The following NNMT variants were observed in gnomAD, a reference collection of about 807,000 sequenced individuals.
NNMT encodes the protein nicotinamide N-methyltransferase.
Under a neutral mutation model 11.7 loss-of-function variants are expected in NNMT, and 10 were observed. The ratio of observed to expected loss-of-function variants is 0.85; its 90% CI spans 0.53 to 1.45. The LOEUF (loss-of-function observed/expected upper bound fraction) is 1.45. Ranked by LOEUF, NNMT falls within the 40% of genes most tolerant of loss-of-function variation. The probability of loss-of-function intolerance (pLI) is 0.00; values close to 1 mark genes in which losing one functional copy is unlikely to be tolerated. For synonymous variants in NNMT, 143 were observed against 133.8 expected, an observed-to-expected ratio of 1.07 and a Z score of -0.48; for missense variants, 381 against 319.4, an observed-to-expected ratio of 1.19 and a Z score of -1.47.
chr11:114,288,920 T>G (rs1320138766), intron 2 of NNMT, among the ~76,000 whole-genome samples: 2 of 152,222 alleles, frequency 1.3e-5, no homozygotes, highest in Non-Finnish European at 2.9e-5. Flanking sequence ...ACCTTGATAT[T>G]AGGCTTTAGC....
upstream of NNMT, among the ~76,000 whole-genome samples, chr11:114,292,405 G>T (rs889691375): frequency 2.0e-5 from 3 of 152,106 alleles, no homozygotes; most frequent in South Asian, 6.2e-4. Context: ...CAATGGATTT[G>T]GTGTAGCACC....
intron 2 of NNMT, among the ~76,000 whole-genome samples, chr11:114,268,629 C>T (rs867892447): frequency 3.3e-5 from 5 of 152,198 alleles, no homozygotes; most frequent in African/African-American, 7.2e-5. Context: ...ATTAGCTGGG[C>T]GTGGTGGCAC....
chr11:114,259,721 G>A (rs1400677426), intron 1 of NNMT, among the ~76,000 whole-genome samples: 1 of 152,126 alleles, frequency 6.6e-6, no homozygotes, highest in Non-Finnish European at 1.5e-5. Context: ...ATTTAAACCT[G>A]ACTCTGCCGC....
At chr11:114,308,961 C>G (rs1438843042) in intron 2 of NNMT, among the ~76,000 whole-genome samples, 5 of 152,198 alleles carry the variant, frequency 3.3e-5, no homozygotes, top group African/African-American at 1.2e-4. Flanking sequence ...TTTGCATCAT[C>G]ATCTGACTGG....
At chr11:114,302,398 G>A in intron 2 of NNMT, among the ~76,000 whole-genome samples, 1 of 152,114 alleles carries the variant, frequency 6.6e-6, no homozygotes, top group Non-Finnish European at 1.5e-5. Context: ...ATGCATCCTT[G>A]ACATATCTAT....
At chr11:114,276,337 A>G (rs1429974168) in intron 2 of NNMT, among the ~76,000 whole-genome samples, 1 of 152,074 alleles carries the variant, frequency 6.6e-6, no homozygotes, top group African/African-American at 2.4e-5. Flanking sequence ...GCTGAGAGCC[A>G]CTTCCACGAC....
chr11:114,291,413 T>TC (rs1945334127), upstream of NNMT, among the ~76,000 whole-genome samples: 1 of 152,244 alleles, frequency 6.6e-6, no homozygotes, highest in Non-Finnish European at 1.5e-5. Context: ...TTTGCCAGTG[T>TC]CTCTATGTTG....
At chr11:114,281,974 C>T (rs1945266206) in intron 2 of NNMT, among the ~76,000 whole-genome samples, 1 of 152,170 alleles carries the variant, frequency 6.6e-6, no homozygotes, top group African/African-American at 2.4e-5. Flanking sequence ...CTAAAGACTT[C>T]TGTGCCTGAA....
upstream of NNMT, among the ~76,000 whole-genome samples, chr11:114,295,221 A>C (rs537344443): frequency 7.4e-4 from 112 of 152,274 alleles, no homozygotes; most frequent in African/African-American, 2.6e-3. Flanking sequence ...ACACCCGGCA[A>C]CATTGTTTAT....
At chr11:114,258,154 G>C (rs1487544857) in intron 1 of NNMT, among the ~76,000 whole-genome samples, 1 of 152,236 alleles carries the variant, frequency 6.6e-6, no homozygotes, top group African/African-American at 2.4e-5. Flanking sequence ...CACCAGGAGG[G>C]CACATTGCTG....
intron 2 of NNMT, among the ~76,000 whole-genome samples, chr11:114,266,582 A>G (rs1456914947): frequency 2.2e-5 from 3 of 136,698 alleles, no homozygotes; most frequent in African/African-American, 8.4e-5. Flanking sequence ...CCTCCTTCAC[A>G]TATAATTTGG....
upstream of NNMT, chr11:114,295,909 G>T (rs1945372127): frequency 6.6e-6 from 1 of 152,084 alleles, no homozygotes; most frequent in African/African-American, 2.4e-5. Context: ...ATGAGGAGAG[G>T]GTCTCGGGAT....
intron 2 of NNMT, among the ~76,000 whole-genome samples, chr11:114,268,896 C>A (rs1451204365): frequency 6.6e-6 from 1 of 151,678 alleles, no homozygotes; most frequent in Non-Finnish European, 1.5e-5. Flanking sequence ...CCGGTTTTGT[C>A]CAGTTTCGTA....
At chr11:114,280,087 A>G (rs1310663351) in intron 2 of NNMT, among the ~76,000 whole-genome samples, 1 of 152,188 alleles carries the variant, frequency 6.6e-6, no homozygotes, top group Non-Finnish European at 1.5e-5. Context: ...GCTATGTGCC[A>G]AGCCCCATTC....
At chr11:114,261,303 C>T (rs1945078445) in intron 1 of NNMT, among the ~76,000 whole-genome samples, 1 of 152,292 alleles carries the variant, frequency 6.6e-6, no homozygotes, top group South Asian at 2.1e-4. Flanking sequence ...GCCTTGGGGC[C>T]GGGCGCGGTG....
At chr11:114,264,318 C>G (rs1229955317) in intron 2 of NNMT, among the ~76,000 whole-genome samples, 1 of 152,104 alleles carries the variant, frequency 6.6e-6, no homozygotes, top group African/African-American at 2.4e-5. Flanking sequence ...CTTTTTCTTA[C>G]AACAATTTCC....
intron 2 of NNMT, among the ~76,000 whole-genome samples, chr11:114,311,127 G>A (rs1000896085): frequency 1.3e-5 from 2 of 152,132 alleles, no homozygotes; most frequent in African/African-American, 2.4e-5. Context: ...CCAGAAGTTC[G>A]AGACCAGCCT....
intron 2 of NNMT, among the ~76,000 whole-genome samples, chr11:114,265,874 T>A (rs919677860): frequency 2.0e-5 from 3 of 152,186 alleles, no homozygotes; most frequent in African/African-American, 7.2e-5. Flanking sequence ...CCAAGTCTCC[T>A]TGTCAACTTC....
chr11:114,264,217 G>A (rs1011699770), intron 2 of NNMT, among the ~76,000 whole-genome samples: 5 of 151,796 alleles, frequency 3.3e-5, no homozygotes, highest in African/African-American at 7.3e-5. Flanking sequence ...CTTTCCTTGA[G>A]CCCACATCCC....
Sources: allele counts gnomAD v4.1 joint callset (sites outside exome capture counted in the v4.1 genomes callset), GRCh38; gene constraint gnomAD v4.1.1; transcripts MANE v1.5; gene names NCBI Gene and HGNC (gene_info 2026-07-23, HGNC 2026-07-21).